DLGAP2: variants seen among roughly 807,000 people sequenced by gnomAD.
DLGAP2 encodes disks large-associated protein 2.
In DLGAP2, 26 loss-of-function variants were observed where a neutral mutation model predicts 100.3. The ratio of observed to expected loss-of-function variants is 0.26; its 90% CI spans 0.19 to 0.36. The LOEUF (loss-of-function observed/expected upper bound fraction) is 0.36, where lower values mean the gene tolerates loss of function less well. DLGAP2 is among the 10% of genes least tolerant of loss of function. DLGAP2 has a pLI of 1.00. For synonymous variants in DLGAP2, 886 were observed against 630.1 expected, an observed-to-expected ratio of 1.41 and a Z score of -6.08; for missense variants, 1,858 against 1,453.2, an observed-to-expected ratio of 1.28 and a Z score of -4.53.
In DLGAP2 at chr8:1,549,041, C is replaced by T. The variant is rs778518117; in HGVS notation, c.588C>T (p.Phe196=). 2.5e-6 allele frequency: 4 copies of T among 1,593,210 alleles called. No individual in the cohort carries two copies. The highest frequency in any genetic ancestry group is 3.4e-6 in the Non-Finnish European group (4 of 1,174,890). Residue 196 remains phenylalanine, a synonymous_variant, in exon 5 of 15, where the codon TTC becomes TTT. Transcript: ENST00000637795. ...NRIPANLLDQ[F]EKQLPLHRDG... ...TCCCGGCCAACCTGCTGGACCAGTT[C>T]GAGAAGCAGCTGCCGCTGCACCGGG...
At chr8:1,229,883 G>A (rs1798499275) in intron 2 of DLGAP2, among the ~76,000 whole-genome samples, 1 of 152,068 alleles carries the variant, frequency 6.6e-6, no homozygotes, top group Admixed American at 6.6e-5. Flanking sequence ...AATAATAAGT[G>A]CCACCTATGA....
intron 3 of DLGAP2, among the ~76,000 whole-genome samples, chr8:1,338,947 G>T (rs1392950900): frequency 2.6e-5 from 4 of 151,392 alleles, no homozygotes; most frequent in East Asian, 1.9e-4. Flanking sequence ...CCTCAGTGAG[G>T]CGTCAGGACC....
At chr8:1,524,696 C>T (rs913701324) in intron 4 of DLGAP2, among the ~76,000 whole-genome samples, 1 of 152,154 alleles carries the variant, frequency 6.6e-6, no homozygotes, top group Admixed American at 6.5e-5. Flanking sequence ...CTTCTCATTG[C>T]CTTTCCAAGG....
intron 2 of DLGAP2, among the ~76,000 whole-genome samples, chr8:1,071,527 T>G (rs1438002237): frequency 1.3e-5 from 2 of 152,186 alleles, no homozygotes; most frequent in African/African-American, 2.4e-5. Flanking sequence ...CAGATTTCCC[T>G]TCTTATGATG....
At chr8:981,842 C>T (rs1354420853) in intron 2 of DLGAP2, among the ~76,000 whole-genome samples, 3 of 152,190 alleles carry the variant, frequency 2.0e-5, no homozygotes, top group African/African-American at 7.2e-5. Context: ...TTGTTTGAAA[C>T]TATTTGCTCT....
intron 3 of DLGAP2, among the ~76,000 whole-genome samples, chr8:1,437,343 C>A (rs1797672432): frequency 6.6e-6 from 1 of 152,254 alleles, no homozygotes; most frequent in Non-Finnish European, 1.5e-5. Context: ...GCTCACACAA[C>A]CACGAGGCCA....
At chr8:1,309,542 A>T (rs1800565378) in intron 3 of DLGAP2, among the ~76,000 whole-genome samples, 1 of 152,262 alleles carries the variant, frequency 6.6e-6, no homozygotes, top group Admixed American at 6.5e-5. Context: ...AGACATTCCC[A>T]GATAAACGGA....
intron 2 of DLGAP2, among the ~76,000 whole-genome samples, chr8:958,647 T>C (rs1389371351): frequency 8.0e-6 from 1 of 125,116 alleles, no homozygotes; most frequent in Non-Finnish European, 1.7e-5. Context: ...CCAAGAAAAA[T>C]CAAGCCATGC....
intron 2 of DLGAP2, among the ~76,000 whole-genome samples, chr8:1,187,813 C>T (rs1361670710): frequency 7.7e-6 from 1 of 130,396 alleles, no homozygotes; most frequent in African/African-American, 3.8e-5. Flanking sequence ...ATCTCACACG[C>T]CCGGGACTTC....
At chr8:986,106 G>A (rs1800480035) in intron 2 of DLGAP2, among the ~76,000 whole-genome samples, 1 of 152,028 alleles carries the variant, frequency 6.6e-6, no homozygotes, top group Admixed American at 6.6e-5. Context: ...GGGGAGTATG[G>A]CTGGTTGGGA....
intron 3 of DLGAP2, among the ~76,000 whole-genome samples, chr8:1,449,839 GTA>G (rs1179573813): frequency 4.0e-5 from 4 of 98,970 alleles, no homozygotes; most frequent in East Asian, 3.7e-4. Context: ...GGCTGTGACT[GTA>G]GCGGAGCTGT....
At chr8:868,644 T>C (rs1367433340) in intron 1 of DLGAP2, among the ~76,000 whole-genome samples, 1 of 152,224 alleles carries the variant, frequency 6.6e-6, no homozygotes, top group East Asian at 1.9e-4. Flanking sequence ...GGAGCATTCA[T>C]GTGCTCTTCC....
intron 4 of DLGAP2, among the ~76,000 whole-genome samples, chr8:1,518,675 T>C (rs1014970530): frequency 2.0e-5 from 3 of 152,150 alleles, no homozygotes; most frequent in Non-Finnish European, 4.4e-5. Context: ...CCATGGACAA[T>C]GGTTCTTGAG....
chr8:1,515,416 A>G (rs1420828017), intron 4 of DLGAP2, among the ~76,000 whole-genome samples: 2 of 149,744 alleles, frequency 1.3e-5, no homozygotes, highest in African/African-American at 2.5e-5. Flanking sequence ...ACAGATGTGC[A>G]CACACACACG....
intron 5 of DLGAP2, among the ~76,000 whole-genome samples, chr8:1,559,166 A>G (rs1270580629): frequency 6.6e-6 from 1 of 152,204 alleles, no homozygotes; most frequent in Non-Finnish European, 1.5e-5. Flanking sequence ...ATCACCCATC[A>G]CTAGGTACAA....
intron 6 of DLGAP2, among the ~76,000 whole-genome samples, chr8:1,572,917 G>T (rs1802794231): frequency 7.6e-6 from 1 of 131,798 alleles, no homozygotes; most frequent in African/African-American, 2.9e-5. Context: ...AGGGGTGTCT[G>T]ATGAGATGGA....
At chr8:886,932 T>C (rs927197832) in intron 1 of DLGAP2, among the ~76,000 whole-genome samples, 4 of 152,244 alleles carry the variant, frequency 2.6e-5, no homozygotes, top group Non-Finnish European at 5.9e-5. Context: ...TTGAGAACTT[T>C]CTGTCTTGTT....
chr8:1,417,197 G>C (rs1796916813), intron 3 of DLGAP2, among the ~76,000 whole-genome samples: 1 of 141,488 alleles, frequency 7.1e-6, no homozygotes, highest in Non-Finnish European at 1.5e-5. Context: ...TGAGGCGGGG[G>C]AGACTCTGAG....
At chr8:1,661,452 C>T (rs550066640) in intron 8 of DLGAP2, among the ~76,000 whole-genome samples, 60 of 152,302 alleles carry the variant, frequency 3.9e-4, no homozygotes, top group African/African-American at 1.4e-3. Flanking sequence ...CGAGTATTGC[C>T]AGGGAAGAAG....
Sources: gnomAD v4.1 joint callset for allele counts (sites outside exome capture counted in the v4.1 genomes callset) on GRCh38, gnomAD v4.1.1 for gene constraint, MANE v1.5 for transcripts, NCBI Gene and HGNC (gene_info 2026-07-23, HGNC 2026-07-21) for gene names.